FH: variants seen among roughly 807,000 people sequenced by gnomAD.
FH encodes the protein fumarate hydratase.
In FH, 22 loss-of-function variants were observed where a neutral mutation model predicts 49.4. The ratio of observed to expected loss-of-function variants is 0.45; its 90% confidence interval spans 0.32 to 0.64. The LOEUF (loss-of-function observed/expected upper bound fraction) is 0.64, where lower values mean the gene tolerates loss of function less well. Among genes scored for constraint, FH ranks in the 30% least tolerant of loss-of-function variants. The pLI is 0.05. For synonymous variants in FH, 208 were observed against 223.0 expected, an observed-to-expected ratio of 0.93 and a Z score of 0.60; for missense variants, 526 against 641.5, an observed-to-expected ratio of 0.82 and a Z score of 1.95.
At chr1:241,508,205 T>TA (rs1242950914) in intron 5 of FH, among the ~76,000 whole-genome samples, 3 of 152,184 alleles carry the variant, frequency 2.0e-5, no homozygotes, top group African/African-American at 7.2e-5. Flanking sequence ...AATGGGTACT[T>TA]ACTGTGTGCC....
Position 241,497,953 on chromosome 1 carries a change from T to C in FH, c.1408A>G (p.Lys470Glu), listed in dbSNP as rs922905323. 2.5e-6 allele frequency: 4 copies of C among 1,613,934 alleles called. No individual in the cohort carries two copies. Among genetic ancestry groups the C allele is most frequent in the Non-Finnish European group, 3.4e-6 (4 of 1,179,992 alleles). ...NPHIGYDKAA[K>E]IAKTAHKNGS... ...TTTTTGTGTGCTGTCTTAGCAATCT[T>C]TGCTGCCTTGTCATACCCTGAAGAA... Residue 470 changes from lysine to glutamate, a missense_variant, in exon 10 of 10, where the codon AAG becomes GAG. Lys to Glu is a moderately conservative substitution (Grantham distance 56). This residue lies in a region of FH where 383 missense variants were observed against 514.0 expected (regional missense o/e 0.75). Transcript: ENST00000366560.
intron 1 of FH, chr1:241,519,040 C>G (rs950578761): frequency 6.6e-6 from 1 of 152,578 alleles, no homozygotes; most frequent in African/African-American, 2.4e-5. Context: ...GTAAAATCTT[C>G]GAAGAACCTT....
chr1:241,503,933 C>A (rs4660099), intron 7 of FH, 109 bp downstream of exon 7: 3 of 1,153,552 alleles, frequency 2.6e-6, no homozygotes, highest in Admixed American at 2.0e-5. Context: ...GTGCGCCTTG[C>A]GCATCCAGCT....
At chr1:241,513,410 C>G (rs1436437525) in intron 3 of FH, among the ~76,000 whole-genome samples, 193 bp downstream of exon 3, 1 of 152,014 alleles carries the variant, frequency 6.6e-6, no homozygotes. Flanking sequence ...ATAAAATCAT[C>G]CAGAAATTTT....
At chr1:241,501,201 A>G (rs1386993187) in intron 8 of FH, among the ~76,000 whole-genome samples, 1 of 152,214 alleles carries the variant, frequency 6.6e-6, no homozygotes, top group Non-Finnish European at 1.5e-5. Context: ...CAACATTTCC[A>G]ATATTTATTA....
At chr1:241,517,384 A>T in intron 1 of FH, 68 bp from the exon 2 acceptor site, 1 of 1,559,118 alleles carries the variant, frequency 6.4e-7, no homozygotes, top group East Asian at 2.2e-5. Flanking sequence ...ATCGCATCTT[A>T]TCAGCTGTTA....
chr1:241,513,828 T>C, intron 2 of FH, 115 bp from the exon 3 acceptor site: 1 of 760,878 alleles, frequency 1.3e-6, no homozygotes, highest in Non-Finnish European at 2.3e-6. Context: ...ACAGTAACAC[T>C]ATAGCTCTAA....
Position 241,518,063 on chromosome 1 carries a change from A to AT in FH, c.133-748dup, listed in dbSNP as rs1660266611. Among the ~76,000 whole-genome samples the AT allele has an allele frequency of 2.6e-5, 4 of 152,308 alleles. No individual in the cohort carries two copies. In the South Asian group the frequency reaches 8.3e-4, roughly 32 times the overall value. On this transcript the variant is annotated intron_variant, in intron 1 of 9. Coordinates refer to ENST00000366560, the MANE Select transcript of FH (RefSeq NM_000143.4). ...GGGCCTGGTAAGTGGAAGGCACTCA[A>AT]TAAACAGTATCTTTCTATTGAATGA...
chr1:241,500,629 G>GAGAGAGAC (rs1659754603), intron 8 of FH, 39 bp from the exon 9 acceptor site: 2 of 1,608,338 alleles, frequency 1.2e-6, no homozygotes, highest in Non-Finnish European at 1.7e-6. Context: ...GAGAGAGAGA[G>GAGAGAGAC]AGAGAGAGAG....
intron 6 of FH, 127 bp from the exon 7 acceptor site, chr1:241,504,372 T>TA (rs1190473698): frequency 4.8e-6 from 4 of 836,458 alleles, no homozygotes; most frequent in Non-Finnish European, 7.6e-6. Context: ...AAAAAATGTT[T>TA]ACTTAAGACT....
chr1:241,508,832 A>C (rs1660001487), intron 4 of FH, 47 bp from the exon 5 acceptor site: 1 of 1,507,010 alleles, frequency 6.6e-7, no homozygotes, highest in Non-Finnish European at 9.2e-7. Flanking sequence ...AATCAGAGGC[A>C]ACAAAAACAA....
chr1:241,503,068 A>G (rs1659823735), intron 7 of FH, among the ~76,000 whole-genome samples: 1 of 152,188 alleles, frequency 6.6e-6, no homozygotes. Context: ...CTGGAACCCC[A>G]CTACCCTGCT....
intron 4 of FH, 109 bp downstream of exon 4, chr1:241,511,858 A>G: frequency 9.5e-7 from 1 of 1,053,488 alleles, no homozygotes; most frequent in Non-Finnish European, 1.5e-6. Context: ...AGCCTTATCC[A>G]TTAAATAATG....
rs1660237156 is a variant in FH at position 241,517,066 on chromosome 1, C to T, written c.267+116G>A. ...AGAGAACCTCTTATTACTCACGAAG[C>T]CATCTTTTCTAATAACTTTACATTT... On this transcript the variant is annotated intron_variant, in intron 2 of 9. Coordinates refer to ENST00000366560, the MANE Select transcript of FH (RefSeq NM_000143.4). 5 of 1,296,758 alleles carry T rather than the reference C, an allele frequency of 3.9e-6. No individual in the cohort carries two copies. The Admixed American group carries it at 7.0e-5, about 18-fold the overall frequency. The allele number at this position is 1,296,758 out of a possible 1,614,324, so 80.3% of individuals were successfully genotyped here.
chr1:241,501,914 T>C (rs1397143034), intron 8 of FH, among the ~76,000 whole-genome samples: 1 of 152,152 alleles, frequency 6.6e-6, no homozygotes, highest in Non-Finnish European at 1.5e-5. Context: ...TGAAACGAAG[T>C]CTGACAGGGG....
chr1:241,517,385 T>G (rs1660249059), intron 1 of FH, 69 bp from the exon 2 acceptor site: 2 of 1,559,224 alleles, frequency 1.3e-6, no homozygotes, highest in South Asian at 2.2e-5. Context: ...TCGCATCTTA[T>G]CAGCTGTTAA....
intron 2 of FH, 82 bp from the exon 3 acceptor site, chr1:241,513,795 A>G (rs1573886580): frequency 9.4e-7 from 1 of 1,068,594 alleles, no homozygotes; most frequent in Non-Finnish European, 1.4e-6. Context: ...TGCAAAAGCT[A>G]TACATAAAAC....
At chr1:241,509,050 T>C (rs1199966007) in intron 4 of FH, among the ~76,000 whole-genome samples, 1 of 148,296 alleles carries the variant, frequency 6.7e-6, no homozygotes, top group African/African-American at 2.4e-5. Flanking sequence ...CGTATTATAT[T>C]ATATTATGTA....
chr1:241,511,282 C>A (rs1456815958), intron 4 of FH, among the ~76,000 whole-genome samples: 1 of 152,194 alleles, frequency 6.6e-6, no homozygotes, highest in Non-Finnish European at 1.5e-5. Context: ...AAAAAGTGGG[C>A]CCCCACCAAG....
Sources: gnomAD v4.1 joint callset for allele counts (sites outside exome capture counted in the v4.1 genomes callset) on GRCh38, gnomAD v4.1.1 for gene constraint, gnomAD v4.1.1 regional missense constraint, MANE v1.5 for transcripts, NCBI Gene and HGNC (gene_info 2026-07-23, HGNC 2026-07-21) for gene names.